The following ZSWIM8 variants were observed in gnomAD, a reference collection of about 807,000 sequenced individuals.
The protein encoded by ZSWIM8 is zinc finger SWIM domain-containing protein 8.
Under a neutral mutation model 173.7 loss-of-function variants are expected in ZSWIM8, and 27 were observed. The ratio of observed to expected loss-of-function variants is 0.16; its 90% CI spans 0.11 to 0.21. The LOEUF is 0.21. Ranked by LOEUF, ZSWIM8 falls within the 10% of genes least tolerant of loss-of-function variation. The pLI, the probability that ZSWIM8 is intolerant of heterozygous loss-of-function variation, is 1.00. For missense variants in ZSWIM8, 1,627 were observed against 2,428.8 expected (o/e 0.67, Z 6.94); for synonymous variants, 958 against 962.0 (o/e 1.00, Z 0.08).
Position 73,793,570 on chromosome 10 carries a change from C to G in ZSWIM8, c.2314-18C>G. On this transcript the variant is annotated intron_variant, in intron 10 of 25. Coordinates refer to ENST00000604729, the MANE Select transcript of ZSWIM8 (RefSeq NM_001367799.1). ...AAGTTGGGACTTTAACCTGTCTGGT[C>G]CCATGTCCTCCTTCCAGGTACTGTT... The G allele has an allele frequency of 3.2e-6, 5 of 1,564,646 alleles. 1 individual carries two copies. The South Asian group carries it at 6.0e-5, about 19-fold the overall frequency.
chr10:73,798,396 C>T lies in ZSWIM8; in HGVS notation c.4119C>T (p.His1373=), dbSNP rs748109066. ...AGCTGGCCCTGAGCTGCCTGCCTCA[C>T]GCCCATGCATTGAACCCTAATGAGA... The part of the protein sequence containing the change: ...AAELALSCLP[H]AHALNPNEIQ... Residue 1373 remains histidine (H), a synonymous_variant, in exon 20 of 26, where the codon CAC becomes CAT. Coordinates refer to ENST00000604729, the MANE Select transcript of ZSWIM8 (RefSeq NM_001367799.1). 22 of 1,613,878 alleles carry T rather than the reference C, an allele frequency of 1.4e-5. No individual in the cohort carries two copies. The highest frequency in any genetic ancestry group is 1.3e-4 in the South Asian group (12 of 91,084).
Position 73,791,729 on chromosome 10 carries a change from G to A in ZSWIM8, c.1320-130G>A, listed in dbSNP as rs771450385. On this transcript the variant is annotated intron_variant, in intron 9 of 25. Transcript: ENST00000604729. The surrounding 1 kb of genome is among the most constrained non-coding windows in gnomAD (Gnocchi z 6.0). ...CAAAATTCTCCAGTGTTTCAGTGAT[G>A]CTTATGGGGCTGGGTCAAGAAGTAC... 23 of 1,322,966 alleles carry A rather than the reference G, an allele frequency of 1.7e-5. No homozygotes were observed. The highest frequency in any genetic ancestry group is 2.3e-5 in the Non-Finnish European group (23 of 994,374). 82.0% of individuals were successfully genotyped at this position (1,322,966 alleles called of 1,614,324 possible). A position where few individuals can be genotyped will look rare whatever the true frequency, so the allele number is the denominator to read the frequency against.
Position 73,792,229 on chromosome 10 carries a change from C to T in ZSWIM8, c.1690C>T (p.Arg564Cys), listed in dbSNP as rs774710118. 90 of 1,556,798 alleles carry T rather than the reference C, an allele frequency of 5.8e-5. No homozygotes were observed. The highest frequency in any genetic ancestry group is 7.6e-5 in the Non-Finnish European group (87 of 1,150,826). ...EGVPSSQRGP[R>C]RLSAEGGDKA... ...GGTCCCCTCATCACAGCGGGGTCCC[C>T]GCCGCCTCTCAGCTGAAGGGGGAGA... The change falls in exon 10 of 26, where the codon CGC becomes TGC. Residue 564 changes from arginine (R) to cysteine (C), a missense_variant. This residue lies in a region of ZSWIM8 where 383 missense variants were observed against 394.8 expected (regional missense o/e 0.97). Transcript: ENST00000604729. The surrounding 1 kb of genome is among the most constrained non-coding windows in gnomAD (Gnocchi z 4.3).
Position 73,789,053 on chromosome 10 carries a change from G to T in ZSWIM8, c.363-43G>T. On this transcript the variant is annotated intron_variant, in intron 2 of 25. Transcript: ENST00000604729. The surrounding 1 kb of genome is among the most constrained non-coding windows in gnomAD (Gnocchi z 6.8). ...TGGTCTCTGACAGGGTCTGCCAAAGGTTATTTGCTGAGTTGTGGCTGTGTC... is the reference window on the plus strand; with the variant it reads ...TGGTCTCTGACAGGGTCTGCCAAAGTTTATTTGCTGAGTTGTGGCTGTGTC... 1.2e-6 allele frequency: 2 copies of T among 1,603,514 alleles called. No individual in the cohort carries two copies. Among genetic ancestry groups the T allele is most frequent in the Non-Finnish European group, 1.7e-6 (2 of 1,171,806 alleles).
chr10:73,788,957 T>G, intron 2 of ZSWIM8, 134 bp downstream of exon 2: 1 of 1,341,294 alleles, frequency 7.5e-7, no homozygotes, highest in Non-Finnish European at 1.0e-6. Flanking sequence ...TTGCCTGGGA[T>G]TCCACTCCCT....
chr10:73,794,635 C>T lies in ZSWIM8; in HGVS notation c.2904C>T (p.Ala968=), dbSNP rs2083545639. 1 of 1,551,836 alleles carries T rather than the reference C, an allele frequency of 6.4e-7. No individual in the cohort carries two copies. Among genetic ancestry groups the T allele is most frequent in the East Asian group, 2.4e-5 (1 of 41,006 alleles). The change falls in exon 14 of 26, where the codon GCC becomes GCT. Residue 968 remains alanine, a synonymous_variant. Coordinates refer to ENST00000604729, the MANE Select transcript of ZSWIM8 (RefSeq NM_001367799.1). ...TTGGATTTGAAGCAGCAGTTGCTGC[C>T]TTGGGTGAGTCTTGAGCATATCAAC... The part of the protein sequence containing the change: ...EELGFEAAVA[A]LGMKTTVSEA...
Position 73,800,607 on chromosome 10 carries a change from C to A in ZSWIM8, c.5003-33C>A. 6.2e-7 allele frequency: 1 copy of A among 1,610,834 alleles called. No homozygotes were observed. Among genetic ancestry groups the A allele is most frequent in the Non-Finnish European group, 8.5e-7 (1 of 1,178,220 alleles). On this transcript the variant is annotated intron_variant, in intron 23 of 25. Coordinates refer to ENST00000604729, the MANE Select transcript of ZSWIM8 (RefSeq NM_001367799.1). This position sits in a 1 kb window ranked among gnomAD's most constrained non-coding sequence, Gnocchi z 4.1. ...GGGGTAAAGGGTGAAGAGGATACAC[C>A]GTACCATGTGCCCACCCTTATCTAT...
At position 73,801,491 on chromosome 10, in the gene ZSWIM8, C is replaced by T; in HGVS notation, c.5477C>T (p.Ser1826Leu). 6.2e-7 allele frequency: 1 copy of T among 1,613,966 alleles called. No individual in the cohort carries two copies. Among genetic ancestry groups the T allele is most frequent in the Non-Finnish European group, 8.5e-7 (1 of 1,179,880 alleles). Residue 1826 changes from serine (S) to leucine (L), a missense_variant, in exon 26 of 26, where the codon TCA becomes TTA. Around this residue, in one of 18 missense-constraint regions of ZSWIM8, gnomAD observed 122 missense variants for 196.1 expected, o/e 0.62. Transcript: ENST00000604729. The surrounding 1 kb of genome is among the most constrained non-coding windows in gnomAD (Gnocchi z 4.9). ...KQTKELWQRV[S>L]LEMATFSP is the part of the protein sequence containing the mutation. ...ACCAAGGAGCTGTGGCAGCGGGTCT[C>T]ACTCGAGATGGCCACCTTCTCCCCC... is the stretch of plus-strand genomic sequence containing the variant.
chr10:73,799,474 G>A lies in ZSWIM8; in HGVS notation c.4649G>A (p.Ser1550Asn), dbSNP rs1334331437. 1 of 1,598,904 alleles carries A rather than the reference G, an allele frequency of 6.3e-7. No individual in the cohort carries two copies. Among genetic ancestry groups the A allele is most frequent in the Non-Finnish European group, 8.5e-7 (1 of 1,172,474 alleles). Reference protein sequence around the residue: ...MPRPAVFPVPSSAYPQGVHPA... With the variant: ...MPRPAVFPVPNSAYPQGVHPA... The stretch of plus-strand genomic sequence containing the variant: ...CGGCCTGCCGTCTTCCCTGTGCCCA[G>A]CTCTGCATACCCACAGGTGAGACCA... Residue 1550 changes from serine to asparagine, a missense_variant, in exon 21 of 26, where the codon AGC (serine) becomes AAC (asparagine). Transcript: ENST00000604729.
rs1226027922 is a variant in ZSWIM8, at chr10:73,801,429, C to G, written c.5415C>G (p.Phe1805Leu). 4 of 1,613,866 alleles carry G rather than the reference C, an allele frequency of 2.5e-6. No homozygotes were observed. In the African/African-American group the frequency reaches 5.3e-5, roughly 22 times the overall value. The change falls in exon 26 of 26, where the codon TTC becomes TTG. Residue 1805 changes from phenylalanine to leucine, a missense_variant. By Grantham distance (22) the Phe-to-Leu change is conservative (BLOSUM62 0). This residue lies in a region of ZSWIM8 where 122 missense variants were observed against 196.1 expected (regional missense o/e 0.62). Transcript: ENST00000604729. This position sits in a 1 kb window ranked among gnomAD's most constrained non-coding sequence, Gnocchi z 4.9. ...TGACGCCCATGGGCATGATGCAGTT[C>G]AACGACATCCTACAGAACCTCAAGC... ...FCLTPMGMMQ[F>L]NDILQNLKRS...
chr10:73,787,320 C>A lies in ZSWIM8; in HGVS notation c.208+1234C>A, dbSNP rs539802922. ...AGAGAGGATATGGCCTGTGTACACA[C>A]ACACAAACACACACAGATCATAGGC... On this transcript the variant is annotated intron_variant, in intron 1 of 25. Transcript: ENST00000604729. 1.3e-4 allele frequency among the ~76,000 whole-genome samples: 20 copies of A among 152,288 alleles called. No individual in the cohort carries two copies. In the South Asian group the frequency reaches 4.1e-3, roughly 32 times the overall value.
chr10:73,800,879 G>A lies in ZSWIM8; in HGVS notation c.5122+120G>A, dbSNP rs1314265777. On this transcript the variant is annotated intron_variant, in intron 24 of 25. Transcript: ENST00000604729. This position sits in a 1 kb window ranked among gnomAD's most constrained non-coding sequence, Gnocchi z 4.1. The stretch of plus-strand genomic sequence containing the variant: ...TGAGGCCTTGGTCGGGTATGTGTGC[G>A]TGCGCGGGGGGCGGAGGGTTACCTC... The A allele has an allele frequency of 7.6e-6, 9 of 1,176,504 alleles. No homozygotes were observed. Among genetic ancestry groups the A allele is most frequent in the East Asian group, 5.1e-5 (2 of 39,098 alleles). 72.9% of individuals were successfully genotyped at this position (1,176,504 alleles called of 1,614,324 possible).
In ZSWIM8 at chr10:73,791,782, C is replaced by G; in HGVS notation, c.1320-77C>G. Reference sequence around the variant, plus strand: ...TCCTGTATCCTTTCCCCATGCCTCTCTTTGGGGTGTACACCTACTCCATGC... The same window carrying G: ...TCCTGTATCCTTTCCCCATGCCTCTGTTTGGGGTGTACACCTACTCCATGC... On this transcript the variant is annotated intron_variant, in intron 9 of 25. Transcript: ENST00000604729. This position sits in a 1 kb window ranked among gnomAD's most constrained non-coding sequence, Gnocchi z 6.0. 1 of 1,441,150 alleles carries G rather than the reference C, an allele frequency of 6.9e-7. No homozygotes were observed. Among genetic ancestry groups the G allele is most frequent in the African/African-American group, 1.4e-5 (1 of 69,742 alleles). 89.3% of individuals were successfully genotyped at this position (1,441,150 alleles called of 1,614,324 possible). A position where few individuals can be genotyped will look rare whatever the true frequency, so the allele number is the denominator to read the frequency against.
At position 73,792,612 on chromosome 10, in the gene ZSWIM8, A is replaced by C; in HGVS notation, c.2073A>C (p.Leu691=). ...CAGCCTCTGTTGGCCCCCCTGGCCT[A>C]CTGCCTGGGGATGTCTGTACCCAGG... is the stretch of plus-strand genomic sequence containing the variant. ...PPTASVGPPG[L]LPGDVCTQDD... is the part of the protein sequence containing the mutation. The change falls in exon 10 of 26, where the codon CTA becomes CTC. Residue 691 remains leucine, a synonymous_variant. Coordinates refer to ENST00000604729, the MANE Select transcript of ZSWIM8 (RefSeq NM_001367799.1). This position sits in a 1 kb window ranked among gnomAD's most constrained non-coding sequence, Gnocchi z 4.3. 6.2e-7 allele frequency: 1 copy of C among 1,613,972 alleles called. No homozygotes were observed. Among genetic ancestry groups the C allele is most frequent in the Non-Finnish European group, 8.5e-7 (1 of 1,179,852 alleles).
chr10:73,799,715 G>C (rs1322963970), intron 21 of ZSWIM8: 2 of 680,492 alleles, frequency 2.9e-6, no homozygotes, highest in Non-Finnish European at 4.9e-6. Context: ...TGGATCACTT[G>C]AGGTCAGGAG....
intron 1 of ZSWIM8, chr10:73,786,314 C>CTGTGTGTGTGTGGG (rs908637818): frequency 3.9e-6 from 2 of 508,936 alleles, no homozygotes; most frequent in Non-Finnish European, 6.8e-6. Flanking sequence ...TTCTCCACAC[C>CTGTGTGTGTGTGGG]TGTGTGTGTG....
chr10:73,785,959 C>T lies in ZSWIM8; in HGVS notation c.81C>T (p.Leu27=). 1 of 1,574,448 alleles carries T rather than the reference C, an allele frequency of 6.4e-7. No homozygotes were observed. Among genetic ancestry groups the T allele is most frequent in the Non-Finnish European group, 8.6e-7 (1 of 1,160,130 alleles). Residue 27 remains leucine (L), a synonymous_variant, in exon 1 of 26, where the codon CTC becomes CTT. Coordinates refer to ENST00000604729, the MANE Select transcript of ZSWIM8 (RefSeq NM_001367799.1). ...CGGACCGTTTTGAGGAGGATTCACT[C>T]TGTTCCTTCATCTCCGAGGCCGAGA... The part of the protein sequence containing the change: ...EDSDRFEEDS[L]CSFISEAESL...
intron 7 of ZSWIM8, 79 bp from the exon 8 acceptor site, chr10:73,790,896 A>T: frequency 1.5e-6 from 2 of 1,355,608 alleles, no homozygotes; most frequent in Non-Finnish European, 1.0e-6. Context: ...TATCTTCTGT[A>T]TTTTGGGGCC....
rs1205738382 is a variant in ZSWIM8, at chr10:73,800,831, C to T, written c.5122+72C>T. 5 of 1,248,606 alleles carry T rather than the reference C, an allele frequency of 4.0e-6. No homozygotes were observed. The highest frequency in any genetic ancestry group is 5.6e-6 in the Non-Finnish European group (5 of 888,882). The allele number at this position is 1,248,606 out of a possible 1,614,324, so 77.3% of individuals were successfully genotyped here. On this transcript the variant is annotated intron_variant, in intron 24 of 25. Coordinates refer to ENST00000604729, the MANE Select transcript of ZSWIM8 (RefSeq NM_001367799.1). The surrounding 1 kb of genome is among the most constrained non-coding windows in gnomAD (Gnocchi z 4.1). The stretch of plus-strand genomic sequence containing the variant: ...TCCCCACCTTCCTTATCCCAGACCT[C>T]CTTCCTAGCTCTTGCTCAGAGTTGA...
Sources: gnomAD v4.1 joint callset for allele counts (sites outside exome capture counted in the v4.1 genomes callset) on GRCh38, gnomAD v4.1.1 for gene constraint, gnomAD v4.1.1 regional missense constraint, Gnocchi (gnomAD v3.1) non-coding constraint, MANE v1.5 for transcripts, NCBI Gene and HGNC (gene_info 2026-07-23, HGNC 2026-07-21) for gene names.